Variants in ITGA9 observed in about 807,000 individuals in gnomAD.
ITGA9 encodes integrin alpha-9.
In ITGA9, 56 loss-of-function variants were observed where a neutral mutation model predicts 127.8. That is an observed-to-expected ratio of 0.44 (90% CI 0.35 to 0.55). The LOEUF is 0.55. Ranked by LOEUF, ITGA9 falls within the 20% of genes least tolerant of loss-of-function variation. The pLI is 0.00. For synonymous variants in ITGA9, 508 were observed against 514.5 expected, an observed-to-expected ratio of 0.99 and a Z score of 0.17; for missense variants, 1,196 against 1,347.1, an observed-to-expected ratio of 0.89 and a Z score of 1.76.
intron 14 of ITGA9, among the ~76,000 whole-genome samples, chr3:37,534,453 C>T (rs550601206): frequency 2.6e-5 from 4 of 152,354 alleles, no homozygotes; most frequent in Admixed American, 6.5e-5. Flanking sequence ...GATTCCTGTG[C>T]ACATTTAAGT....
chr3:37,619,538 G>A (rs1398271860), intron 15 of ITGA9, among the ~76,000 whole-genome samples: 2 of 152,230 alleles, frequency 1.3e-5, no homozygotes, highest in Non-Finnish European at 2.9e-5. Flanking sequence ...CAGCAGCAAG[G>A]GGGATGGGGT....
intron 15 of ITGA9, among the ~76,000 whole-genome samples, chr3:37,611,084 A>G (rs576781652): frequency 2.0e-4 from 31 of 152,338 alleles, no homozygotes; most frequent in Non-Finnish European, 2.4e-4. Context: ...TTATACATGT[A>G]TATTGACTGT....
chr3:37,622,270 T>C (rs911486744), intron 15 of ITGA9, among the ~76,000 whole-genome samples: 1 of 152,044 alleles, frequency 6.6e-6, no homozygotes, highest in Non-Finnish European at 1.5e-5. Flanking sequence ...TTGTATTTTT[T>C]AGTAGAGACA....
chr3:37,541,130 G>A (rs915499442), intron 14 of ITGA9, among the ~76,000 whole-genome samples: 2 of 152,178 alleles, frequency 1.3e-5, no homozygotes, highest in Non-Finnish European at 2.9e-5. Context: ...ATTAAAAGCC[G>A]GAGCCTTCCC....
chr3:37,768,065 G>A (rs1696799900), intron 23 of ITGA9, among the ~76,000 whole-genome samples: 1 of 152,122 alleles, frequency 6.6e-6, no homozygotes, highest in African/African-American at 2.4e-5. Context: ...TTATTACAGG[G>A]TCTTGAAATG....
chr3:37,532,547 A>G (rs1051290030), intron 13 of ITGA9, among the ~76,000 whole-genome samples: 1 of 152,212 alleles, frequency 6.6e-6, no homozygotes, highest in Non-Finnish European at 1.5e-5. Context: ...GCTTAGGTGA[A>G]TGCTGCCTGA....
intron 3 of ITGA9, among the ~76,000 whole-genome samples, chr3:37,474,958 G>C (rs752225651): frequency 3.9e-5 from 6 of 152,222 alleles, no homozygotes; most frequent in Non-Finnish European, 7.3e-5. Flanking sequence ...CCCCTTGTCG[G>C]GCCCCTTGGG....
intron 16 of ITGA9, among the ~76,000 whole-genome samples, chr3:37,642,107 A>T (rs936048533): frequency 2.7e-5 from 4 of 149,828 alleles, no homozygotes; most frequent in Admixed American, 6.7e-5. Flanking sequence ...CTGGCTATTT[A>T]AAAAAAAAAA....
In ITGA9 at chr3:37,520,652, A is replaced by G. The variant is rs935049837; in HGVS notation, c.1236+1298A>G. Among the ~76,000 whole-genome samples the G allele has an allele frequency of 2.0e-5, 3 of 152,348 alleles. No homozygotes were observed. In the South Asian group the frequency reaches 6.2e-4, roughly 32 times the overall value. On this transcript the variant is annotated intron_variant, in intron 11 of 27. Transcript: ENST00000264741. ...AGACCATCCTCTTTTCATTAGAAGTACATAACAGGAGATTAATAAACTTCG... is the reference window on the plus strand; with the variant it reads ...AGACCATCCTCTTTTCATTAGAAGTGCATAACAGGAGATTAATAAACTTCG...
intron 18 of ITGA9, among the ~76,000 whole-genome samples, chr3:37,691,857 C>T (rs1242650237): frequency 6.6e-6 from 1 of 152,176 alleles, no homozygotes; most frequent in Non-Finnish European, 1.5e-5. Context: ...ATTTTTAGAA[C>T]TCATGATGTT....
chr3:37,704,162 G>A (rs995272036), intron 18 of ITGA9, among the ~76,000 whole-genome samples: 24 of 152,112 alleles, frequency 1.6e-4, no homozygotes, highest in Admixed American at 1.4e-3. Context: ...ATTACATCAC[G>A]GCCAGTTTTT....
At chr3:37,454,879 C>T (rs1261721270) in intron 1 of ITGA9, among the ~76,000 whole-genome samples, 2 of 152,074 alleles carry the variant, frequency 1.3e-5, no homozygotes, top group African/African-American at 2.4e-5. Context: ...GTTTTTTACC[C>T]AGGCTTGGTA....
chr3:37,784,974 C>G lies in ITGA9; in HGVS notation c.2788-3C>G, dbSNP rs1697021223. On this transcript the variant is annotated splice_region_variant and splice_polypyrimidine_tract_variant and intron_variant, in intron 25 of 27. Coordinates refer to ENST00000264741, the MANE Select transcript of ITGA9 (RefSeq NM_002207.3). Reference sequence around the variant, plus strand: ...CAAGTAAGTTGTGTTGTTTCTTCCACAGGACAGTTCGTCTGTCATCCAGTT... The same window carrying G: ...CAAGTAAGTTGTGTTGTTTCTTCCAGAGGACAGTTCGTCTGTCATCCAGTT... 6.2e-7 allele frequency: 1 copy of G among 1,611,334 alleles called. No homozygotes were observed. The highest frequency in any genetic ancestry group is 8.5e-7 in the Non-Finnish European group (1 of 1,177,544).
At chr3:37,654,231 CT>C (rs1177704218) in intron 17 of ITGA9, among the ~76,000 whole-genome samples, 1 of 147,848 alleles carries the variant, frequency 6.8e-6, no homozygotes, top group Non-Finnish European at 1.5e-5. Context: ...CACACACACA[CT>C]AGTGTATGTT....
At position 37,815,961 on chromosome 3, in the gene ITGA9, T is replaced by A. The variant is rs79573213; in HGVS notation, c.3010-2930T>A. 1.3e-3 allele frequency among the ~76,000 whole-genome samples: 198 copies of A among 152,108 alleles called. 2 individuals are homozygous for A. The highest frequency in any genetic ancestry group is 4.5e-3 in the African/African-American group (188 of 41,502). On this transcript the variant is annotated intron_variant, in intron 27 of 27. Coordinates refer to ENST00000264741, the MANE Select transcript of ITGA9 (RefSeq NM_002207.3). ...TTAGCAGGTTAGACATAGGCATTTG[T>A]GTGGAAGCAGGGCAGGGTTCTGAGA...
chr3:37,718,908 G>A (rs1334747178), intron 18 of ITGA9, among the ~76,000 whole-genome samples: 1 of 152,188 alleles, frequency 6.6e-6, no homozygotes, highest in Admixed American at 6.5e-5. Context: ...AAGGTGAAGG[G>A]CTTGGTGAGA....
intron 27 of ITGA9, among the ~76,000 whole-genome samples, chr3:37,813,263 C>T (rs559198114): frequency 2.8e-4 from 43 of 152,272 alleles, no homozygotes; most frequent in Non-Finnish European, 4.6e-4. Context: ...ATTTAATACC[C>T]CAATAAACCC....
chr3:37,612,027 C>T (rs972403136), intron 15 of ITGA9, among the ~76,000 whole-genome samples: 5 of 152,064 alleles, frequency 3.3e-5, no homozygotes, highest in Non-Finnish European at 5.9e-5. Flanking sequence ...AGCCCAGGCC[C>T]TGAACCTGTC....
intron 17 of ITGA9, among the ~76,000 whole-genome samples, chr3:37,664,269 A>T (rs899560150): frequency 3.3e-5 from 5 of 152,038 alleles, no homozygotes; most frequent in African/African-American, 1.2e-4. Context: ...TGGGCAAAAA[A>T]TCCACCAGCA....
Sources: gnomAD v4.1 joint callset for allele counts (sites outside exome capture counted in the v4.1 genomes callset) on GRCh38, gnomAD v4.1.1 for gene constraint, MANE v1.5 for transcripts, NCBI Gene and HGNC (gene_info 2026-07-23, HGNC 2026-07-21) for gene names.